The following PIWIL4 variants were observed in gnomAD, a reference collection of about 807,000 sequenced individuals.
PIWIL4 encodes piwi like RNA-mediated gene silencing 4.
Under a neutral mutation model 100.9 loss-of-function variants are expected in PIWIL4, and 50 were observed. That is an observed-to-expected ratio of 0.50 (90% CI 0.39 to 0.63). PIWIL4 has a LOEUF of 0.63. Among genes scored for constraint, PIWIL4 ranks in the 20% least tolerant of loss-of-function variants. PIWIL4 has a pLI of 0.00. For missense variants in PIWIL4, 887 were observed against 1,043.3 expected (o/e 0.85, Z 2.06); for synonymous variants, 342 against 367.5 (o/e 0.93, Z 0.79).
At chr11:94,617,436 A>G (rs1948859275) in intron 16 of PIWIL4, among the ~76,000 whole-genome samples, 1 of 152,116 alleles carries the variant, frequency 6.6e-6, no homozygotes, top group Admixed American at 6.5e-5. Context: ...TCATAGTTAC[A>G]GTGAGTAGAA....
intron 11 of PIWIL4, among the ~76,000 whole-genome samples, chr11:94,599,916 G>A (rs1948611184): frequency 6.6e-6 from 1 of 152,104 alleles, no homozygotes; most frequent in African/African-American, 2.4e-5. Context: ...TGGGTCTCGG[G>A]TGGTGCACAG....
intron 15 of PIWIL4, among the ~76,000 whole-genome samples, chr11:94,611,718 C>A (rs1033394201): frequency 6.6e-6 from 1 of 151,494 alleles, no homozygotes; most frequent in Non-Finnish European, 1.5e-5. Flanking sequence ...CCTGGCATGT[C>A]TCTTGATCTC....
At chr11:94,596,645 C>T (rs1306433785) in intron 10 of PIWIL4, among the ~76,000 whole-genome samples, 1 of 152,130 alleles carries the variant, frequency 6.6e-6, no homozygotes, top group Non-Finnish European at 1.5e-5. Flanking sequence ...GTCCCTCAGA[C>T]TTATGCCGAA....
chr11:94,567,431 G>A lies in PIWIL4; in HGVS notation c.-88G>A, dbSNP rs1416509529. ...TCCACCGCCTCCAGGCAGTTTCGCC[G>A]TCACACCGTCGCCATCTGTAGCCAA... On this transcript the variant is annotated 5_prime_UTR_variant, in exon 1 of 20. Coordinates refer to ENST00000299001, the MANE Select transcript of PIWIL4 (RefSeq NM_152431.3). The A allele has an allele frequency of 1.2e-5, 15 of 1,233,784 alleles. No homozygotes were observed. In the East Asian group the frequency reaches 2.1e-4, roughly 18 times the overall value. The allele number at this position is 1,233,784 out of a possible 1,614,324, so 76.4% of individuals were successfully genotyped here.
chr11:94,581,143 A>C (rs1032348691), intron 4 of PIWIL4, among the ~76,000 whole-genome samples: 1 of 151,396 alleles, frequency 6.6e-6, no homozygotes, highest in Non-Finnish European at 1.5e-5. Flanking sequence ...CAGGTGATCC[A>C]CCCGCCTCAG....
chr11:94,615,674 T>G (rs1353791343), intron 15 of PIWIL4, among the ~76,000 whole-genome samples: 2 of 152,220 alleles, frequency 1.3e-5, no homozygotes, highest in African/African-American at 4.8e-5. Context: ...TTGCCCAGGC[T>G]GGAGTGCAGT....
At position 94,593,413 on chromosome 11, in the gene PIWIL4, G is replaced by C. The variant is rs1020661846; in HGVS notation, c.1027-105G>C. On this transcript the variant is annotated intron_variant, in intron 8 of 19. Transcript: ENST00000299001. Reference sequence around the variant, plus strand: ...AAGTAGGTAACTATGGGATTGGTTAGATTTATTTATATATTAATGTTAGGA... The same window carrying C: ...AAGTAGGTAACTATGGGATTGGTTACATTTATTTATATATTAATGTTAGGA... 140 of 1,200,804 alleles carry C rather than the reference G, an allele frequency of 1.2e-4. No individual in the cohort carries two copies. In the South Asian group the frequency reaches 2.1e-3, roughly 18 times the overall value. The allele number at this position is 1,200,804 out of a possible 1,614,324, so 74.4% of individuals were successfully genotyped here.
At chr11:94,611,388 A>G (rs1948785824) in intron 15 of PIWIL4, among the ~76,000 whole-genome samples, 1 of 151,926 alleles carries the variant, frequency 6.6e-6, no homozygotes, top group African/African-American at 2.4e-5. Flanking sequence ...ATAGGCATTT[A>G]TTGCCATAAA....
chr11:94,567,738 G>T, intron 1 of PIWIL4, 133 bp downstream of exon 1: 1 of 1,285,870 alleles, frequency 7.8e-7, no homozygotes. Context: ...TCAAGTTTGA[G>T]TCTTTCCAAG....
intron 4 of PIWIL4, among the ~76,000 whole-genome samples, chr11:94,583,046 G>A (rs910021343): frequency 3.9e-5 from 5 of 129,070 alleles, no homozygotes; most frequent in Non-Finnish European, 7.1e-5. Context: ...ATATATATAT[G>A]TGTGTGTGTG....
Position 94,568,747 on chromosome 11 carries a change from T to C in PIWIL4, c.105T>C (p.Leu35=). 6.2e-7 allele frequency: 1 copy of C among 1,607,534 alleles called. No individual in the cohort carries two copies. Among genetic ancestry groups the C allele is most frequent in the Admixed American group, 1.7e-5 (1 of 60,020 alleles). Residue 35 remains leucine, a synonymous_variant, in exon 2 of 20, where the codon CTT becomes CTC. Coordinates refer to ENST00000299001, the MANE Select transcript of PIWIL4 (RefSeq NM_152431.3). The stretch of plus-strand genomic sequence containing the variant: ...CATTTTAGCCTAGATCTGTTGATCT[T>C]AGTAACAATGAAGCATCCTCTAGCA... ...QASPLPRSVD[L]SNNEASSSNG... is the part of the protein sequence containing the mutation.
At chr11:94,607,034 C>G (rs187605380) in intron 13 of PIWIL4, among the ~76,000 whole-genome samples, 106 of 152,116 alleles carry the variant, frequency 7.0e-4, no homozygotes, top group African/African-American at 2.1e-3. Context: ...AGGGAGGGAC[C>G]AATGGGAATG....
intron 6 of PIWIL4, among the ~76,000 whole-genome samples, chr11:94,586,379 A>G (rs1948398707): frequency 6.6e-6 from 1 of 152,156 alleles, no homozygotes; most frequent in African/African-American, 2.4e-5. Flanking sequence ...TTTTTAAAAT[A>G]GTAGTCTATT....
At chr11:94,589,022 T>C (rs909786498) in intron 7 of PIWIL4, 99 bp from the exon 8 acceptor site, 6 of 744,550 alleles carry the variant, frequency 8.1e-6, no homozygotes, top group African/African-American at 3.5e-5. Flanking sequence ...ATTTCTGACA[T>C]TCTGGAGTCT....
At chr11:94,615,394 G>C (rs74988801) in intron 15 of PIWIL4, among the ~76,000 whole-genome samples, 288 of 152,262 alleles carry the variant, frequency 1.9e-3, no homozygotes, top group African/African-American at 6.6e-3. Context: ...ATCTCTTTGT[G>C]TTACCCTCTT....
intron 3 of PIWIL4, among the ~76,000 whole-genome samples, chr11:94,576,440 T>C (rs973365163): frequency 4.6e-5 from 7 of 152,178 alleles, no homozygotes; most frequent in Non-Finnish European, 1.0e-4. Context: ...AGCCTCTATA[T>C]CATTCTTTTC....
chr11:94,612,205 A>T (rs1243004074), intron 15 of PIWIL4, among the ~76,000 whole-genome samples: 1 of 151,754 alleles, frequency 6.6e-6, no homozygotes, highest in East Asian at 1.9e-4. Flanking sequence ...TTAATATTTG[A>T]TTTATATATT....
intron 2 of PIWIL4, among the ~76,000 whole-genome samples, chr11:94,573,949 A>C (rs1453186859): frequency 2.0e-5 from 3 of 152,104 alleles, no homozygotes; most frequent in Admixed American, 6.6e-5. Context: ...TAACTGCCAT[A>C]CTATGGTAGC....
intron 4 of PIWIL4, among the ~76,000 whole-genome samples, chr11:94,580,121 A>C (rs1185126448): frequency 6.6e-6 from 1 of 152,210 alleles, no homozygotes; most frequent in Non-Finnish European, 1.5e-5. Flanking sequence ...ACAAGTGAGA[A>C]AATAGACCAT....
Sources: gnomAD v4.1 joint callset for allele counts (sites outside exome capture counted in the v4.1 genomes callset) on GRCh38, gnomAD v4.1.1 for gene constraint, MANE v1.5 for transcripts, NCBI Gene and HGNC (gene_info 2026-07-23, HGNC 2026-07-21) for gene names.